The following BBS9 variants were observed in gnomAD, a reference collection of about 807,000 sequenced individuals.
BBS9 encodes protein PTHB1.
BBS9 carries 89 observed loss-of-function variants against 117.7 expected under a neutral mutation model. The observed-to-expected ratio is 0.76, with a 90% confidence interval of 0.64 to 0.90. The LOEUF (loss-of-function observed/expected upper bound fraction) is 0.90. BBS9 is among the 40% of genes least tolerant of loss of function. The pLI is 0.00. For missense variants in BBS9, 982 were observed against 1,042.2 expected (o/e 0.94, Z 0.80); for synonymous variants, 379 against 370.9 (o/e 1.02, Z -0.25).
At chr7:33,239,706 C>T (rs893443604) in intron 5 of BBS9, among the ~76,000 whole-genome samples, 2 of 152,038 alleles carry the variant, frequency 1.3e-5, no homozygotes, top group Non-Finnish European at 2.9e-5. Context: ...AATGTCTTTT[C>T]TTAAATTTAT....
intron 21 of BBS9, among the ~76,000 whole-genome samples, chr7:33,543,784 A>G (rs1852804839): frequency 6.6e-6 from 1 of 152,132 alleles, no homozygotes. Context: ...TATTCCCCCA[A>G]ATATGTTTTC....
At chr7:33,252,514 A>C (rs1796374470) in intron 5 of BBS9, among the ~76,000 whole-genome samples, 2 of 152,080 alleles carry the variant, frequency 1.3e-5, no homozygotes, top group South Asian at 4.2e-4. Context: ...GTAGGCCTAG[A>C]TTGGTATCTT....
chr7:33,205,632 G>A (rs1786763653), intron 5 of BBS9, among the ~76,000 whole-genome samples: 1 of 152,104 alleles, frequency 6.6e-6, no homozygotes, highest in East Asian at 1.9e-4. Flanking sequence ...TTGGTTATGG[G>A]GAACTCCTCA....
In BBS9 at chr7:33,334,420, A is replaced by G. The variant is rs542963942; in HGVS notation, c.1017-2021A>G. On this transcript the variant is annotated intron_variant, in intron 9 of 22. Coordinates refer to ENST00000242067, the MANE Select transcript of BBS9 (RefSeq NM_198428.3). The stretch of plus-strand genomic sequence containing the variant: ...CCCCCCCAGAGGTCTGCGCTTTAGC[A>G]CCCTAGAGTTGCCTGAGGACTCATT... Among the ~76,000 whole-genome samples, 13 of 152,240 alleles carry G rather than the reference A, an allele frequency of 8.5e-5. No individual in the cohort carries two copies. In the South Asian group the frequency reaches 2.7e-3, roughly 32 times the overall value.
chr7:33,545,661 A>ACTGCTC (rs1054535604), intron 21 of BBS9, among the ~76,000 whole-genome samples: 1 of 152,108 alleles, frequency 6.6e-6, no homozygotes, highest in Admixed American at 6.5e-5. Flanking sequence ...GCCTCCCCGT[A>ACTGCTC]CTGCTCTGTC....
At chr7:33,553,451 A>G (rs565184550) in intron 21 of BBS9, among the ~76,000 whole-genome samples, 11 of 152,242 alleles carry the variant, frequency 7.2e-5, no homozygotes, top group African/African-American at 2.2e-4. Context: ...CCTGTCTACT[A>G]TATATTTTCT....
chr7:33,136,938 C>G (rs1028321080), intron 1 of BBS9, among the ~76,000 whole-genome samples: 1 of 152,154 alleles, frequency 6.6e-6, no homozygotes, highest in Non-Finnish European at 1.5e-5. Context: ...GTGGATCTGT[C>G]TTGGCCTGGC....
chr7:33,240,415 G>A (rs1038203953), intron 5 of BBS9, among the ~76,000 whole-genome samples: 1 of 151,926 alleles, frequency 6.6e-6, no homozygotes, highest in African/African-American at 2.4e-5. Flanking sequence ...GCGCCACCAT[G>A]CCTGGCTAAT....
At position 33,524,701 on chromosome 7, in the gene BBS9, C is replaced by A. The variant is rs569915528; in HGVS notation, c.2299-9253C>A. ...TTTGTTGATCCTTTCAAAAAACCAG[C>A]TCCTGGATTCATTGATTTTTTGAAG... is the stretch of plus-strand genomic sequence containing the variant. On this transcript the variant is annotated intron_variant, in intron 20 of 22. Transcript: ENST00000242067. Among the ~76,000 whole-genome samples the A allele has an allele frequency of 4.6e-5, 7 of 152,248 alleles. No homozygotes were observed. In the South Asian group the frequency reaches 6.2e-4, roughly 14 times the overall value.
At chr7:33,560,361 C>G (rs1224464705) in intron 21 of BBS9, among the ~76,000 whole-genome samples, 1 of 152,156 alleles carries the variant, frequency 6.6e-6, no homozygotes, top group African/African-American at 2.4e-5. Flanking sequence ...ACAAACAATT[C>G]AACTGCTTCC....
At chr7:33,435,857 G>T (rs1260444464) in intron 19 of BBS9, among the ~76,000 whole-genome samples, 1 of 152,112 alleles carries the variant, frequency 6.6e-6, no homozygotes, top group Non-Finnish European at 1.5e-5. Context: ...AAACTTTTGT[G>T]TTCATTATTA....
At chr7:33,554,836 C>G (rs544428320) in intron 21 of BBS9, among the ~76,000 whole-genome samples, 30 of 152,018 alleles carry the variant, frequency 2.0e-4, no homozygotes, top group Non-Finnish European at 3.7e-4. Flanking sequence ...GGAGGCCTTC[C>G]AACATCTAGA....
intron 19 of BBS9, among the ~76,000 whole-genome samples, chr7:33,399,654 C>T (rs1235313734): frequency 2.0e-5 from 3 of 152,046 alleles, no homozygotes; most frequent in Non-Finnish European, 2.9e-5. Context: ...TTCATCAATT[C>T]GGAATTTCAG....
chr7:33,244,177 C>T (rs1043255670), intron 5 of BBS9, among the ~76,000 whole-genome samples: 5 of 152,130 alleles, frequency 3.3e-5, no homozygotes, highest in Admixed American at 6.5e-5. Flanking sequence ...TTGCAGTGAG[C>T]CGAGATTGTG....
At chr7:33,165,643 T>C (rs1795566151) in intron 4 of BBS9, among the ~76,000 whole-genome samples, 1 of 152,140 alleles carries the variant, frequency 6.6e-6, no homozygotes, top group Non-Finnish European at 1.5e-5. Flanking sequence ...AGCTTGTGCA[T>C]GTGTCTTGTA....
rs546873939 is a variant in BBS9 at position 33,391,846 on chromosome 7, T to C, written c.2115+3702T>C. ...GTTTTACCAATTTATCATTTGCCTGTTATTTTTTATTTGTAATGTATTTTT... is the reference window on the plus strand; with the variant it reads ...GTTTTACCAATTTATCATTTGCCTGCTATTTTTTATTTGTAATGTATTTTT... On this transcript the variant is annotated intron_variant, in intron 19 of 22. Coordinates refer to ENST00000242067, the MANE Select transcript of BBS9 (RefSeq NM_198428.3). Among the ~76,000 whole-genome samples the C allele has an allele frequency of 8.5e-5, 13 of 152,340 alleles. No individual in the cohort carries two copies. In the South Asian group the frequency reaches 2.3e-3, roughly 27 times the overall value.
intron 21 of BBS9, among the ~76,000 whole-genome samples, chr7:33,567,342 T>G (rs2129130708): frequency 6.6e-6 from 1 of 152,316 alleles, no homozygotes; most frequent in African/African-American, 2.4e-5. Context: ...TCAGTAGCTG[T>G]TGCTATTTTG....
In BBS9 at chr7:33,408,528, G is replaced by A. The variant is rs187191542; in HGVS notation, c.2115+20384G>A. Among the ~76,000 whole-genome samples, 40 of 152,252 alleles carry A rather than the reference G, an allele frequency of 2.6e-4. No homozygotes were observed. The East Asian group carries it at 3.1e-3, about 12-fold the overall frequency. On this transcript the variant is annotated intron_variant, in intron 19 of 22. Coordinates refer to ENST00000242067, the MANE Select transcript of BBS9 (RefSeq NM_198428.3). Reference sequence around the variant, plus strand: ...AATGCAGAAATCACCTGTCTTCTGCGTCGCTCACGCTGGGAGCTGTAGACT... The same window carrying A: ...AATGCAGAAATCACCTGTCTTCTGCATCGCTCACGCTGGGAGCTGTAGACT...
intron 9 of BBS9, among the ~76,000 whole-genome samples, chr7:33,310,903 C>T (rs1364595134): frequency 1.3e-5 from 2 of 152,188 alleles, no homozygotes; most frequent in South Asian, 2.1e-4. Context: ...GCAAAGCAGT[C>T]ATGGTCACTG....
Sources: gnomAD v4.1 joint callset for allele counts (sites outside exome capture counted in the v4.1 genomes callset) on GRCh38, gnomAD v4.1.1 for gene constraint, MANE v1.5 for transcripts, NCBI Gene and HGNC (gene_info 2026-07-23, HGNC 2026-07-21) for gene names.